The following CCDC180 variants were observed in gnomAD, a reference collection of about 807,000 sequenced individuals.
The protein encoded by CCDC180 is coiled-coil domain-containing protein 180.
CCDC180 carries 154 observed loss-of-function variants against 209.2 expected under a neutral mutation model. The observed-to-expected ratio is 0.74, with a 90% CI of 0.65 to 0.84. CCDC180 has a LOEUF of 0.84. CCDC180 is among the 40% of genes least tolerant of loss of function. CCDC180 has a pLI of 0.00. For synonymous variants in CCDC180, 778 were observed against 749.1 expected (o/e 1.04, Z -0.63); for missense variants, 1,874 against 1,997.3 (o/e 0.94, Z 1.18).
At chr9:97,323,559 T>C (rs1833425794) in intron 12 of CCDC180, among the ~76,000 whole-genome samples, 1 of 152,194 alleles carries the variant, frequency 6.6e-6, no homozygotes, top group Admixed American at 6.5e-5. Flanking sequence ...CATGTTCGGC[T>C]GAGAGCACCA....
At chr9:97,353,009 A>G (rs908187604) in intron 22 of CCDC180, among the ~76,000 whole-genome samples, 2 of 151,680 alleles carry the variant, frequency 1.3e-5, no homozygotes, top group East Asian at 3.9e-4. Context: ...ACGTATATAT[A>G]TATTTGAGAC....
chr9:97,314,411 G>C lies in CCDC180; in HGVS notation c.478G>C (p.Val160Leu). Residue 160 changes from valine to leucine, a missense_variant, in exon 6 of 37, where the codon GTG (valine) becomes CTG (leucine). Val to Leu is a conservative substitution (Grantham distance 32). Coordinates refer to ENST00000529487, the MANE Select transcript of CCDC180 (RefSeq NM_020893.6). ...QVGKEMEPLI[V>L]DTGGLFLKKL... ...GTTGCAGGAAATGGAACCTCTCATC[G>C]TGGACACAGGGGGACTTTTTTTGAA... The C allele has an allele frequency of 1.9e-6, 3 of 1,614,118 alleles. No homozygotes were observed. The highest frequency in any genetic ancestry group is 2.5e-6 in the Non-Finnish European group (3 of 1,180,016).
intron 22 of CCDC180, among the ~76,000 whole-genome samples, chr9:97,350,923 G>A (rs1361090963): frequency 6.6e-6 from 1 of 152,060 alleles, no homozygotes; most frequent in African/African-American, 2.4e-5. Flanking sequence ...TTCTTGTCTG[G>A]CTCATTTCAT....
At chr9:97,316,978 C>T in intron 8 of CCDC180, 87 bp from the exon 9 acceptor site, 2 of 1,333,028 alleles carry the variant, frequency 1.5e-6, no homozygotes, top group Non-Finnish European at 2.1e-6. Flanking sequence ...CCCTCTCCAG[C>T]CTCCCACTGC....
intron 9 of CCDC180, 79 bp from the exon 10 acceptor site, chr9:97,318,384 A>G (rs1338891144): frequency 6.5e-7 from 1 of 1,526,804 alleles, no homozygotes; most frequent in Non-Finnish European, 8.9e-7. Flanking sequence ...GAATGCTGTC[A>G]CCATGGTTCT....
chr9:97,359,805 A>G (rs907892727), intron 25 of CCDC180, among the ~76,000 whole-genome samples, 177 bp from the exon 26 acceptor site: 3 of 152,028 alleles, frequency 2.0e-5, no homozygotes, highest in Non-Finnish European at 4.4e-5. Context: ...AAGGCTGCCT[A>G]GCAGAGCCAG....
intron 24 of CCDC180, among the ~76,000 whole-genome samples, chr9:97,355,569 A>C (rs985197391): frequency 6.6e-6 from 1 of 152,236 alleles, no homozygotes; most frequent in Admixed American, 6.5e-5. Context: ...ATAGGAGGCA[A>C]GTACTGTTTT....
At chr9:97,352,344 C>T (rs200512471) in intron 22 of CCDC180, among the ~76,000 whole-genome samples, 1 of 152,052 alleles carries the variant, frequency 6.6e-6, no homozygotes, top group Admixed American at 6.6e-5. Flanking sequence ...TTAATGGACC[C>T]AAAGAACAGA....
Position 97,325,189 on chromosome 9 carries a change from C to A in CCDC180, c.1542C>A (p.Ser514Arg). 1 of 1,590,224 alleles carries A rather than the reference C, an allele frequency of 6.3e-7. No homozygotes were observed. ...EQHRQKHSLE[S>R]QVQEAHLDRL... The stretch of plus-strand genomic sequence containing the variant: ...ACCGGCAGAAGCACAGCCTGGAGAG[C>A]CAGGTGAGACCCACACCCGGGGCTC... The change falls in exon 14 of 37, where the codon AGC becomes AGA. Residue 514 changes from serine to arginine, a missense_variant. Coordinates refer to ENST00000529487, the MANE Select transcript of CCDC180 (RefSeq NM_020893.6).
intron 18 of CCDC180, among the ~76,000 whole-genome samples, chr9:97,336,046 T>C (rs932445708): frequency 6.6e-6 from 1 of 152,122 alleles, no homozygotes; most frequent in Non-Finnish European, 1.5e-5. Flanking sequence ...TCTTGTAAAT[T>C]TGTTTAAGTT....
chr9:97,318,929 G>A (rs1833268670), intron 10 of CCDC180, among the ~76,000 whole-genome samples: 1 of 152,192 alleles, frequency 6.6e-6, no homozygotes, highest in Non-Finnish European at 1.5e-5. Context: ...GGCTCCATGA[G>A]CTTTGCAGTT....
At position 97,323,916 on chromosome 9, in the gene CCDC180, G is replaced by T. The variant is rs1249896874; in HGVS notation, c.1371+13G>T. On this transcript the variant is annotated intron_variant, in intron 13 of 36. Transcript: ENST00000529487. ...GGAGCTCTTGGACGTGCGTGCTGGG[G>T]ACTGTTCCACTGGGGAGCTGAGGTG... The T allele has an allele frequency of 4.5e-6, 7 of 1,551,886 alleles. No individual in the cohort carries two copies. Among genetic ancestry groups the T allele is most frequent in the African/African-American group, 1.4e-5 (1 of 73,106 alleles).
chr9:97,318,544 C>T lies in CCDC180; in HGVS notation c.1041C>T (p.Val347=), dbSNP rs1587786665. Reference sequence around the variant, plus strand: ...AGGTCATGCTGAAGACCCAGAACGTCCTGCAGCAAAGGCGGCTGAAGCATC... The same window carrying T: ...AGGTCATGCTGAAGACCCAGAACGTTCTGCAGCAAAGGCGGCTGAAGCATC... ...ELEVMLKTQN[V]LQQRRLKHLC... The change falls in exon 10 of 37, where the codon GTC becomes GTT. Residue 347 remains valine (V), a synonymous_variant. Coordinates refer to ENST00000529487, the MANE Select transcript of CCDC180 (RefSeq NM_020893.6). 1 of 1,613,612 alleles carries T rather than the reference C, an allele frequency of 6.2e-7. No individual in the cohort carries two copies. The highest frequency in any genetic ancestry group is 8.5e-7 in the Non-Finnish European group (1 of 1,179,946).
chr9:97,333,860 A>G (rs1396510530), intron 18 of CCDC180, among the ~76,000 whole-genome samples: 3 of 151,366 alleles, frequency 2.0e-5, no homozygotes, highest in African/African-American at 7.3e-5. Context: ...TCACTCTGTC[A>G]CTCAGGCTGG....
At chr9:97,370,183 G>A in intron 32 of CCDC180, 101 bp downstream of exon 32, 4 of 1,343,994 alleles carry the variant, frequency 3.0e-6, no homozygotes, top group Non-Finnish European at 3.0e-6. Flanking sequence ...AGGGAAGAAG[G>A]TGAGCTTGGC....
intron 15 of CCDC180, 71 bp from the exon 16 acceptor site, chr9:97,327,949 C>T (rs1344660292): frequency 5.2e-6 from 8 of 1,525,120 alleles, no homozygotes; most frequent in South Asian, 1.3e-5. Flanking sequence ...TGCCAGATTG[C>T]AGCCCATCTC....
At chr9:97,327,955 A>G in intron 15 of CCDC180, 65 bp from the exon 16 acceptor site, 1 of 1,551,392 alleles carries the variant, frequency 6.4e-7, no homozygotes, top group Non-Finnish European at 8.7e-7. Flanking sequence ...ATTGCAGCCC[A>G]TCTCCTTGGG....
In CCDC180 at chr9:97,361,797, C is replaced by G; in HGVS notation, c.3555C>G (p.Ala1185=). 1.2e-6 allele frequency: 2 copies of G among 1,614,152 alleles called. No homozygotes were observed. Among genetic ancestry groups the G allele is most frequent in the Non-Finnish European group, 8.5e-7 (1 of 1,180,016 alleles). ...CTTCAGAAGCCCTTGAAGAGGAGGC[C>G]AAGCTGGACGTGGTCACCCCTGAGT... ...LTSSEALEEE[A]KLDVVTPESF... is the part of the protein sequence containing the mutation. Residue 1185 remains alanine (A), a synonymous_variant, in exon 27 of 37, where the codon GCC becomes GCG. Transcript: ENST00000529487.
chr9:97,359,421 C>T (rs1383643749), intron 25 of CCDC180, among the ~76,000 whole-genome samples: 1 of 152,146 alleles, frequency 6.6e-6, no homozygotes, highest in African/African-American at 2.4e-5. Context: ...GGACAGTCTG[C>T]AGAGCGGTGA....
Sources: gnomAD v4.1 joint callset for allele counts (sites outside exome capture counted in the v4.1 genomes callset) on GRCh38, gnomAD v4.1.1 for gene constraint, MANE v1.5 for transcripts, NCBI Gene and HGNC (gene_info 2026-07-23, HGNC 2026-07-21) for gene names.